Variants in ZNF532 observed in about 807,000 individuals in gnomAD.
ZNF532 encodes the protein zinc finger protein 532.
ZNF532 carries 22 observed loss-of-function variants against 89.3 expected under a neutral mutation model. The ratio of observed to expected loss-of-function variants is 0.25; its 90% confidence interval spans 0.18 to 0.35. The LOEUF is 0.35. Among genes scored for constraint, ZNF532 ranks in the 10% least tolerant of loss-of-function variants. ZNF532 has a pLI of 1.00. For missense variants in ZNF532, 1,132 were observed against 1,643.4 expected (o/e 0.69, Z 5.38); for synonymous variants, 606 against 649.6 (o/e 0.93, Z 1.02).
chr18:58,940,964 T>TACACACACACACA (rs1568376885), intron 5 of ZNF532, among the ~76,000 whole-genome samples: 2 of 45,556 alleles, frequency 4.4e-5, no homozygotes, highest in African/African-American at 8.7e-5. Flanking sequence ...ACACACTCTT[T>TACACACACACACA]CTCTCTCTCT....
intron 3 of ZNF532, among the ~76,000 whole-genome samples, chr18:58,931,309 T>G (rs567985186): frequency 6.6e-6 from 1 of 152,184 alleles, no homozygotes; most frequent in Non-Finnish European, 1.5e-5. Flanking sequence ...ATTTACTTGA[T>G]TAAAAAAAGT....
intron 3 of ZNF532, among the ~76,000 whole-genome samples, chr18:58,931,003 T>C (rs558509248): frequency 2.0e-5 from 3 of 152,228 alleles, no homozygotes; most frequent in African/African-American, 7.2e-5. Flanking sequence ...TATTTTCCTA[T>C]AGCTTTCTAG....
At chr18:58,983,944 C>T (rs773094109) in intron 9 of ZNF532, 28 bp from the exon 10 acceptor site, 23 of 1,583,572 alleles carry the variant, frequency 1.5e-5, no homozygotes, top group Admixed American at 1.8e-5. Flanking sequence ...GGTTTTCAGT[C>T]GTGTCATTTG....
At chr18:58,978,538 A>AT (rs1411928228) in intron 7 of ZNF532, among the ~76,000 whole-genome samples, 11 of 151,922 alleles carry the variant, frequency 7.2e-5, no homozygotes, top group South Asian at 2.1e-4. Flanking sequence ...TTGAGAGAGA[A>AT]TTTTTTTTAC....
At chr18:58,893,956 G>C (rs1490926353) in intron 2 of ZNF532, among the ~76,000 whole-genome samples, 1 of 152,092 alleles carries the variant, frequency 6.6e-6, no homozygotes, top group Non-Finnish European at 1.5e-5. Context: ...TGTATTTACT[G>C]TCTGTGGTAG....
At chr18:58,866,038 C>G (rs901277783) in intron 2 of ZNF532, among the ~76,000 whole-genome samples, 3 of 152,190 alleles carry the variant, frequency 2.0e-5, no homozygotes, top group Non-Finnish European at 2.9e-5. Context: ...TTACCTTGCT[C>G]TCTTGTGTTA....
At chr18:58,956,106 G>C (rs1277213638) in intron 7 of ZNF532, among the ~76,000 whole-genome samples, 1 of 152,190 alleles carries the variant, frequency 6.6e-6, no homozygotes, top group Non-Finnish European at 1.5e-5. Context: ...ATTAGATCTA[G>C]GATATGAGAG....
At chr18:58,924,371 T>C (rs1007571065) in intron 3 of ZNF532, among the ~76,000 whole-genome samples, 5 of 152,238 alleles carry the variant, frequency 3.3e-5, no homozygotes, top group Non-Finnish European at 5.9e-5. Flanking sequence ...TGCACATTAG[T>C]GTCTAGTTAG....
At chr18:58,947,943 C>T (rs1243891870) in intron 5 of ZNF532, 124 bp from the exon 6 acceptor site, 11 of 828,182 alleles carry the variant, frequency 1.3e-5, no homozygotes, top group Non-Finnish European at 2.0e-5. Context: ...AATCGTTGTT[C>T]TATTTATTGT....
chr18:58,880,953 TTC>T (rs1350166282), intron 2 of ZNF532, among the ~76,000 whole-genome samples: 4 of 152,148 alleles, frequency 2.6e-5, no homozygotes, highest in Non-Finnish European at 5.9e-5. Context: ...TTTAAAAAAA[TTC>T]TCTTCTAATC....
intron 3 of ZNF532, among the ~76,000 whole-genome samples, chr18:58,923,863 A>ATT (rs35384932): frequency 9.4e-5 from 14 of 148,596 alleles, no homozygotes; most frequent in South Asian, 6.4e-4. Context: ...CATATTCCAT[A>ATT]TTTTTTTTTT....
intron 2 of ZNF532, among the ~76,000 whole-genome samples, chr18:58,908,522 AAG>A (rs1411630164): frequency 6.6e-6 from 1 of 152,226 alleles, no homozygotes; most frequent in Admixed American, 6.5e-5. Flanking sequence ...GCAAAAACAT[AAG>A]AGAAAAAAAT....
chr18:58,937,165 T>G (rs1223922219), intron 4 of ZNF532, among the ~76,000 whole-genome samples: 1 of 152,136 alleles, frequency 6.6e-6, no homozygotes, highest in East Asian at 1.9e-4. Context: ...TTTTTTTAAT[T>G]CAAAAAATAA....
intron 2 of ZNF532, among the ~76,000 whole-genome samples, chr18:58,885,183 TTCTGCATGTTGGTCAGGCTGG>T (rs2058210158): frequency 6.6e-6 from 1 of 152,224 alleles, no homozygotes; most frequent in East Asian, 1.9e-4. Flanking sequence ...GAGACGGAGT[TTCTGCATGTTGGTCAGGCTGG>T]TCTCGAACTC....
At chr18:58,946,992 AC>A (rs1459344672) in intron 5 of ZNF532, among the ~76,000 whole-genome samples, 1 of 152,184 alleles carries the variant, frequency 6.6e-6, no homozygotes, top group Non-Finnish European at 1.5e-5. Flanking sequence ...CCGTTCTTCA[AC>A]TTTGCCGTAG....
intron 2 of ZNF532, among the ~76,000 whole-genome samples, chr18:58,892,857 A>T (rs1433734930): frequency 6.6e-6 from 1 of 152,186 alleles, no homozygotes; most frequent in African/African-American, 2.4e-5. Flanking sequence ...GGGTGAAATG[A>T]TGAGATCTGT....
upstream of ZNF532, chr18:58,863,893 G>A (rs974208008): frequency 6.6e-6 from 1 of 152,112 alleles, no homozygotes; most frequent in Non-Finnish European, 1.5e-5. Context: ...GCGGGCCGGG[G>A]TGAGCGCGTG....
At chr18:58,939,796 C>T in intron 5 of ZNF532, 175 bp downstream of exon 5, 1 of 513,396 alleles carries the variant, frequency 1.9e-6, no homozygotes, top group South Asian at 5.1e-5. Flanking sequence ...TCTGTTCTTT[C>T]CAGGTAAAGA....
intron 2 of ZNF532, among the ~76,000 whole-genome samples, chr18:58,886,346 CTTATT>C (rs993085735): frequency 7.2e-5 from 11 of 151,948 alleles, no homozygotes; most frequent in Non-Finnish European, 1.3e-4. Flanking sequence ...AAAACGTATG[CTTATT>C]TTATTTTAAG....
Sources: gnomAD v4.1 joint callset for allele counts (sites outside exome capture counted in the v4.1 genomes callset) on GRCh38, gnomAD v4.1.1 for gene constraint, MANE v1.5 for transcripts, NCBI Gene and HGNC (gene_info 2026-07-23, HGNC 2026-07-21) for gene names.